SNX29: variants seen among roughly 807,000 people sequenced by gnomAD.
The protein encoded by SNX29 is sorting nexin-29.
A neutral mutation model predicts 102.1 loss-of-function variants in SNX29; 78 were observed. That is an observed-to-expected ratio of 0.76 (90% CI 0.64 to 0.92). The LOEUF (loss-of-function observed/expected upper bound fraction) is 0.92. Among genes scored for constraint, SNX29 ranks in the 40% least tolerant of loss-of-function variants. The pLI is 0.00. For missense variants in SNX29, 1,280 were observed against 1,061.7 expected, an observed-to-expected ratio of 1.21 and a Z score of -2.86; for synonymous variants, 580 against 414.5, an observed-to-expected ratio of 1.40 and a Z score of -4.85.
chr16:12,174,026 C>G (rs757166981), intron 13 of SNX29, among the ~76,000 whole-genome samples: 7 of 152,228 alleles, frequency 4.6e-5, no homozygotes, highest in South Asian at 2.1e-4. Context: ...GTGGTCCCCC[C>G]CAACCTTGGC....
intron 13 of SNX29, among the ~76,000 whole-genome samples, chr16:12,181,717 G>T (rs1229369763): frequency 1.4e-5 from 2 of 146,078 alleles, no homozygotes; most frequent in Admixed American, 6.9e-5. Context: ...TTGAGGGGGG[G>T]TCCTCCTCAG....
At chr16:12,461,972 AAAAAAAATATAT>A (rs1356551383) in intron 18 of SNX29, among the ~76,000 whole-genome samples, 8 of 64,144 alleles carry the variant, frequency 1.2e-4, no homozygotes, top group South Asian at 6.6e-4. Context: ...AAAAAAAAAA[AAAAAAAATATAT>A]ATATATATAT....
chr16:12,553,547 A>AGGGAGCTAAGC (rs2078126613), intron 20 of SNX29, among the ~76,000 whole-genome samples: 1 of 151,958 alleles, frequency 6.6e-6, no homozygotes, highest in Non-Finnish European at 1.5e-5. Flanking sequence ...AGAGCACTGC[A>AGGGAGCTAAGC]GGGAGCTAAG....
At chr16:12,315,339 C>T (rs1272116171) in intron 15 of SNX29, among the ~76,000 whole-genome samples, 1 of 152,198 alleles carries the variant, frequency 6.6e-6, no homozygotes, top group East Asian at 1.9e-4. Context: ...AAATTCTTTA[C>T]ACCTTGTGGA....
chr16:11,977,181 T>G (rs1345025982), intron 1 of SNX29: 2 of 271,718 alleles, frequency 7.4e-6, no homozygotes, highest in African/African-American at 4.4e-5. Flanking sequence ...GCGTCCCAGC[T>G]CCAGTTCCAG....
At chr16:11,995,537 G>GT (rs1199456770) in intron 1 of SNX29, among the ~76,000 whole-genome samples, 1 of 151,304 alleles carries the variant, frequency 6.6e-6, no homozygotes, top group Non-Finnish European at 1.5e-5. Flanking sequence ...TAAAGAACAG[G>GT]TTTTTCTTTT....
chr16:12,087,892 A>G (rs892308262), intron 11 of SNX29: 31 of 456,672 alleles, frequency 6.8e-5, no homozygotes, highest in Non-Finnish European at 1.2e-4. Flanking sequence ...TAAGCTGGCA[A>G]CCTGATTCCT....
chr16:12,052,014 G>T lies in SNX29; in HGVS notation c.916G>T (p.Ala306Ser), dbSNP rs146360621. ...SDRSSVNIMS[A>S]FESPFGPNSN... ...CCGCTCCTCTGTCAATATCATGTCC[G>T]CCTTTGAAAGCCCCTTCGGGCCTAA... Residue 306 changes from alanine to serine, a missense_variant, in exon 8 of 21, where the codon GCC becomes TCC. Physicochemically the swap from Ala to Ser is moderately conservative, Grantham distance 99. Coordinates refer to ENST00000566228, the MANE Select transcript of SNX29 (RefSeq NM_032167.5). The T allele has an allele frequency of 1.9e-6, 3 of 1,613,812 alleles. No individual in the cohort carries two copies. Among genetic ancestry groups the T allele is most frequent in the Non-Finnish European group, 2.5e-6 (3 of 1,179,856 alleles).
intron 15 of SNX29, among the ~76,000 whole-genome samples, chr16:12,300,863 G>T (rs141779870): frequency 6.6e-6 from 1 of 152,240 alleles, no homozygotes; most frequent in Non-Finnish European, 1.5e-5. Context: ...AGATGCTGGT[G>T]ACATCTCCCT....
chr16:12,303,011 G>T (rs2080227343), intron 15 of SNX29, among the ~76,000 whole-genome samples: 1 of 152,160 alleles, frequency 6.6e-6, no homozygotes, highest in African/African-American at 2.4e-5. Flanking sequence ...ATGTGATCTG[G>T]CTATGTGAGA....
chr16:12,069,225 C>G (rs1267356214), intron 10 of SNX29, 93 bp downstream of exon 10: 1 of 1,087,304 alleles, frequency 9.2e-7, no homozygotes, highest in Non-Finnish European at 1.3e-6. Context: ...AGTGCACCTG[C>G]TAGGATTAAA....
At chr16:12,227,151 G>GC (rs1321294532) in intron 14 of SNX29, among the ~76,000 whole-genome samples, 1 of 98 alleles carries the variant, frequency 0.01, no homozygotes, top group Non-Finnish European at 0.019. Flanking sequence ...CTGGCGGATT[G>GC]GGTGCTGCTT....
chr16:12,444,527 T>C (rs899083722), intron 18 of SNX29, among the ~76,000 whole-genome samples: 4 of 152,242 alleles, frequency 2.6e-5, no homozygotes, highest in African/African-American at 9.6e-5. Context: ...TGTTGACTTT[T>C]CTTCTTTGCC....
intron 16 of SNX29, among the ~76,000 whole-genome samples, chr16:12,356,961 C>A (rs1278112083): frequency 2.6e-5 from 4 of 152,218 alleles, no homozygotes; most frequent in African/African-American, 9.6e-5. Flanking sequence ...TGATCTAGAT[C>A]ACCTACTTGC....
chr16:11,994,424 G>A (rs1452182772), intron 1 of SNX29, among the ~76,000 whole-genome samples: 1 of 152,230 alleles, frequency 6.6e-6, no homozygotes, highest in East Asian at 1.9e-4. Flanking sequence ...GTGTGGCAAA[G>A]TGTTTGCTGA....
chr16:12,510,213 A>T (rs536728169), intron 19 of SNX29, among the ~76,000 whole-genome samples: 1 of 152,162 alleles, frequency 6.6e-6, no homozygotes, highest in African/African-American at 2.4e-5. Flanking sequence ...CATGTATTCT[A>T]CTGTGTTTAA....
intron 18 of SNX29, among the ~76,000 whole-genome samples, chr16:12,446,892 G>A (rs912992890): frequency 6.6e-6 from 1 of 152,024 alleles, no homozygotes; most frequent in African/African-American, 2.4e-5. Context: ...GGAGCCAGGT[G>A]TGGTGACTCA....
chr16:12,434,607 C>G (rs112325849), intron 18 of SNX29, among the ~76,000 whole-genome samples: 225 of 152,298 alleles, frequency 1.5e-3, no homozygotes, highest in African/African-American at 5.2e-3. Flanking sequence ...AAAGCAGGGC[C>G]TTCCCATAAC....
At chr16:12,266,844 ACCTCTGCC>A (rs2078943611) in intron 14 of SNX29, among the ~76,000 whole-genome samples, 1 of 151,920 alleles carries the variant, frequency 6.6e-6, no homozygotes, top group Admixed American at 6.5e-5. Flanking sequence ...GCTCACTCCA[ACCTCTGCC>A]CCCTGGGTTC....
Sources: gnomAD v4.1 joint callset for allele counts (sites outside exome capture counted in the v4.1 genomes callset) on GRCh38, gnomAD v4.1.1 for gene constraint, MANE v1.5 for transcripts, NCBI Gene and HGNC (gene_info 2026-07-23, HGNC 2026-07-21) for gene names.